Variants in KASH5 observed in about 807,000 individuals in gnomAD.
The protein encoded by KASH5 is protein KASH5.
KASH5 carries 72 observed loss-of-function variants against 84.2 expected under a neutral mutation model. The ratio of observed to expected loss-of-function variants is 0.85; its 90% CI spans 0.71 to 1.04. KASH5 has a LOEUF of 1.04. KASH5 is among the 50% of genes least tolerant of loss of function. KASH5 has a pLI of 0.00. For missense variants in KASH5, 650 were observed against 701.0 expected (o/e 0.93, Z 0.82); for synonymous variants, 260 against 279.1 (o/e 0.93, Z 0.68).
At position 49,409,280 on chromosome 19, in the gene KASH5, A is replaced by G; in HGVS notation, c.1143A>G (p.Arg381=). 2 of 1,613,680 alleles carry G rather than the reference A, an allele frequency of 1.2e-6. No individual in the cohort carries two copies. The highest frequency in any genetic ancestry group is 1.7e-6 in the Non-Finnish European group (2 of 1,179,790). Residue 381 remains arginine (R), a synonymous_variant, in exon 14 of 20, where the codon CGA becomes CGG. Transcript: ENST00000447857. ...PSLGLEIEAI[R]QKQEVATADL... ...TGGGCTTGGAGATCGAGGCCATTCG[A>G]CAGGTGGGCCTAACACCCCTGGAAT...
chr19:49,388,376 C>G (rs9304685), intron 1 of KASH5, 49 bp downstream of exon 1: 69,032 of 152,024 alleles, frequency 0.45, 16,136 homozygotes, highest in South Asian at 0.63. Flanking sequence ...TTCCCAGCCC[C>G]TACCGAAATC....
chr19:49,395,218 C>T lies in KASH5; in HGVS notation c.261C>T (p.Gly87=), dbSNP rs1204578397. 2 of 1,612,756 alleles carry T rather than the reference C, an allele frequency of 1.2e-6. No homozygotes were observed. Among genetic ancestry groups the T allele is most frequent in the Admixed American group, 1.7e-5 (1 of 59,578 alleles). The change falls in exon 4 of 20, where the codon GGC becomes GGT. Residue 87 remains glycine (G), a synonymous_variant. Transcript: ENST00000447857. This position sits in a 1 kb window ranked among gnomAD's most constrained non-coding sequence, Gnocchi z 4.4. ...LANSLDPNGE[G]PKATVDLDTF... ...ACAGCCTGGACCCCAATGGGGAGGG[C>T]CCTAAGGCCACTGTGGACTTGGACA... is the stretch of plus-strand genomic sequence containing the variant.
At chr19:49,411,795 G>C (rs1255071905) in intron 15 of KASH5, among the ~76,000 whole-genome samples, 1 of 152,140 alleles carries the variant, frequency 6.6e-6, no homozygotes, top group Non-Finnish European at 1.5e-5. Context: ...GGATGGGCCT[G>C]TGGGAGCCCA....
intron 7 of KASH5, 138 bp downstream of exon 7, chr19:49,398,281 T>C (rs1479824891): frequency 7.9e-6 from 6 of 754,748 alleles, no homozygotes; most frequent in Non-Finnish European, 1.2e-5. Context: ...CCTTTTCTGT[T>C]TTTATCTTTT....
rs1027060562 is a variant in KASH5 at position 49,398,360 on chromosome 19, TTC to T, written c.629+229_629+230del. Among the ~76,000 whole-genome samples, 6 of 151,284 alleles carry T rather than the reference TTC, an allele frequency of 4.0e-5. No individual in the cohort carries two copies. In the East Asian group the frequency reaches 7.7e-4, roughly 19 times the overall value. Reference sequence around the variant, plus strand: ...TTATCTTTCCCTTGAGGGTTCAGACTTCTCTCTCTCTCTTTTTTTTTTTTTTG... The same window carrying T: ...TTATCTTTCCCTTGAGGGTTCAGACTTCTCTCTCTCTTTTTTTTTTTTTTG... On this transcript the variant is annotated intron_variant, in intron 7 of 19. Transcript: ENST00000447857.
chr19:49,398,832 G>T (rs1428840047), intron 7 of KASH5, among the ~76,000 whole-genome samples, 193 bp from the exon 8 acceptor site: 4 of 151,984 alleles, frequency 2.6e-5, no homozygotes, highest in Non-Finnish European at 5.9e-5. Context: ...GTTAAAACTG[G>T]GTCTCTGTGC....
At position 49,390,871 on chromosome 19, in the gene KASH5, G is replaced by T; in HGVS notation, c.-13G>T. 1 of 1,588,280 alleles carries T rather than the reference G, an allele frequency of 6.3e-7. No homozygotes were observed. On this transcript the variant is annotated 5_prime_UTR_variant, in exon 2 of 20. Coordinates refer to ENST00000447857, the MANE Select transcript of KASH5 (RefSeq NM_144688.5). ...TAGCTTTGCCAGCAGCTGCGCCGCG[G>T]CAGGGGTGGCCCATGGACCTGCCCG...
At position 49,412,688 on chromosome 19, in the gene KASH5, C is replaced by T. The variant is rs766227578; in HGVS notation, c.1270-280C>T. 9.2e-5 allele frequency among the ~76,000 whole-genome samples: 14 copies of T among 152,228 alleles called. No individual in the cohort carries two copies. The highest frequency in any genetic ancestry group is 1.9e-4 in the East Asian group (1 of 5,184). ...GGAACATCCAGGAAGTTTAGGCAAC[C>T]GGGACTCCTGGGTCCTGTCAGGGAA... On this transcript the variant is annotated intron_variant, in intron 15 of 19. Coordinates refer to ENST00000447857, the MANE Select transcript of KASH5 (RefSeq NM_144688.5). This position sits in a 1 kb window ranked among gnomAD's most constrained non-coding sequence, Gnocchi z 4.6.
chr19:49,390,797 G>C lies in KASH5; in HGVS notation c.-87G>C. 7.0e-7 allele frequency: 1 copy of C among 1,437,032 alleles called. No homozygotes were observed. The highest frequency in any genetic ancestry group is 2.5e-5 in the East Asian group (1 of 39,752). 89.0% of individuals were successfully genotyped at this position (1,437,032 alleles called of 1,614,324 possible). A position where few individuals can be genotyped will look rare whatever the true frequency, so the allele number is the denominator to read the frequency against. On this transcript the variant is annotated 5_prime_UTR_variant, in exon 2 of 20. Transcript: ENST00000447857. The stretch of plus-strand genomic sequence containing the variant: ...CCTGCTTCTCCTTCCAGGAGTGCTC[G>C]GGCCAGCTGGTCCTTTTCCCATCCC...
chr19:49,402,956 C>G (rs1974409841), intron 9 of KASH5, among the ~76,000 whole-genome samples: 1 of 151,946 alleles, frequency 6.6e-6, no homozygotes, highest in South Asian at 2.1e-4. Flanking sequence ...AGAAGGTGGT[C>G]TCTGGGAGGT....
intron 6 of KASH5, 63 bp downstream of exon 6, chr19:49,397,780 A>C (rs1974229589): frequency 1.3e-6 from 2 of 1,564,588 alleles, no homozygotes; most frequent in South Asian, 2.2e-5. Flanking sequence ...CAGCCTGCCG[A>C]GGCCCGGGTA....
At chr19:49,402,721 A>T (rs545307048) in intron 9 of KASH5, among the ~76,000 whole-genome samples, 33 of 152,266 alleles carry the variant, frequency 2.2e-4, no homozygotes, top group African/African-American at 7.7e-4. Flanking sequence ...AAAATTTTTA[A>T]AAATGAAAAA....
Position 49,412,912 on chromosome 19 carries a change from G to A in KASH5, c.1270-56G>A, listed in dbSNP as rs1212371838. On this transcript the variant is annotated intron_variant, in intron 15 of 19. Coordinates refer to ENST00000447857, the MANE Select transcript of KASH5 (RefSeq NM_144688.5). The surrounding 1 kb of genome is among the most constrained non-coding windows in gnomAD (Gnocchi z 4.6). ...CGGGGGAGACAGTGGGCACTGTTAG[G>A]GTTGGAGCTTTGAGTGAGAAGAATC... 1 of 1,580,652 alleles carries A rather than the reference G, an allele frequency of 6.3e-7. No individual in the cohort carries two copies. The highest frequency in any genetic ancestry group is 2.2e-5 in the East Asian group (1 of 44,544).
intron 15 of KASH5, among the ~76,000 whole-genome samples, chr19:49,410,740 G>A (rs1460151582): frequency 2.6e-5 from 4 of 152,042 alleles, no homozygotes; most frequent in South Asian, 4.2e-4. Context: ...TGCCCGCCTC[G>A]GCCTCCGAAA....
chr19:49,417,453 C>A lies in KASH5; in HGVS notation c.1632C>A (p.Ser544=), dbSNP rs1974949265. The change falls in exon 20 of 20, where the codon TCC becomes TCA. Residue 544 remains serine (S), a synonymous_variant. Transcript: ENST00000447857. This position sits in a 1 kb window ranked among gnomAD's most constrained non-coding sequence, Gnocchi z 5.2. ...TCTCTGTCCTGCTGCTTGGCCCGTC[C>A]CCACCTCCCACCTGGCCCCACCTCC... ...LLLSVLLLGP[S]PPPTWPHLQL... The A allele has an allele frequency of 1.3e-6, 2 of 1,554,456 alleles. No homozygotes were observed. The highest frequency in any genetic ancestry group is 3.9e-5 in the Admixed American group (2 of 51,470).
chr19:49,390,436 G>A, intron 1 of KASH5: 1 of 167,110 alleles, frequency 6.0e-6, no homozygotes, highest in South Asian at 1.6e-4. Flanking sequence ...CAGGGGAGGG[G>A]CAGGTCAGCT....
At position 49,402,934 on chromosome 19, in the gene KASH5, TGGTCTCTGG is replaced by T. The variant is rs1974408584; in HGVS notation, c.798+3429_798+3437del. Among the ~76,000 whole-genome samples the T allele has an allele frequency of 2.0e-5, 3 of 151,826 alleles. No individual in the cohort carries two copies. The South Asian group carries it at 6.3e-4, about 32-fold the overall frequency. ...AAGAAGGTGGTCTCTGGGAAGAAGG[TGGTCTCTGG>T]GAAGAAGGTGGTCTCTGGGAGGTTT... On this transcript the variant is annotated intron_variant, in intron 9 of 19. Coordinates refer to ENST00000447857, the MANE Select transcript of KASH5 (RefSeq NM_144688.5).
In KASH5 at chr19:49,390,844, G is replaced by A; in HGVS notation, c.-40G>A. On this transcript the variant is annotated 5_prime_UTR_variant, in exon 2 of 20. The change creates a premature stop within an existing upstream ORF in the 5' untranslated region. Coordinates refer to ENST00000447857, the MANE Select transcript of KASH5 (RefSeq NM_144688.5). The stretch of plus-strand genomic sequence containing the variant: ...TCCCTCCCCATGAAGGAGGGAGGCT[G>A]GTAGCTTTGCCAGCAGCTGCGCCGC... 6.3e-7 allele frequency: 1 copy of A among 1,577,346 alleles called. No individual in the cohort carries two copies. The highest frequency in any genetic ancestry group is 1.2e-5 in the South Asian group (1 of 86,630).
intron 15 of KASH5, among the ~76,000 whole-genome samples, chr19:49,411,439 C>T (rs11671438): frequency 0.2 from 30,037 of 152,100 alleles, 3,287 homozygotes; most frequent in Non-Finnish European, 0.23. Flanking sequence ...TCTCATTTAA[C>T]TCTCCCAGTA....
Sources: gnomAD v4.1 joint callset for allele counts (sites outside exome capture counted in the v4.1 genomes callset) on GRCh38, gnomAD v4.1.1 for gene constraint, Gnocchi (gnomAD v3.1) non-coding constraint, MANE v1.5 for transcripts, NCBI Gene and HGNC (gene_info 2026-07-23, HGNC 2026-07-21) for gene names.